CDH12: variants seen among roughly 807,000 people sequenced by gnomAD.
The protein encoded by CDH12 is cadherin 12.
A neutral mutation model predicts 74.1 loss-of-function variants in CDH12; 41 were observed. The ratio of observed to expected loss-of-function variants is 0.55; its 90% CI spans 0.43 to 0.72. The LOEUF is 0.72. Among genes scored for constraint, CDH12 ranks in the 30% least tolerant of loss-of-function variants. CDH12 has a pLI of 0.00. For synonymous variants in CDH12, 399 were observed against 355.0 expected, an observed-to-expected ratio of 1.12 and a Z score of -1.39; for missense variants, 945 against 977.2, an observed-to-expected ratio of 0.97 and a Z score of 0.44.
chr5:22,344,040 C>A (rs191442365), intron 3 of CDH12, among the ~76,000 whole-genome samples: 8 of 152,116 alleles, frequency 5.3e-5, no homozygotes, highest in African/African-American at 7.2e-5. Flanking sequence ...CTAAGAAACA[C>A]CCTGAAGGGC....
At chr5:22,254,211 TAATTCCAAG>T (rs1163726712) in intron 3 of CDH12, among the ~76,000 whole-genome samples, 2 of 151,912 alleles carry the variant, frequency 1.3e-5, no homozygotes, top group African/African-American at 4.8e-5. Context: ...AAAACTACCT[TAATTCCAAG>T]AATTGGATTA....
intron 11 of CDH12, among the ~76,000 whole-genome samples, chr5:21,770,618 CAAAA>C (rs33944200): frequency 1.2e-5 from 1 of 84,028 alleles, no homozygotes; most frequent in Admixed American, 1.4e-4. Context: ...AAGTCCATCT[CAAAA>C]AAAAAAAAAA....
At chr5:22,011,124 G>C (rs1017301021) in intron 5 of CDH12, among the ~76,000 whole-genome samples, 4 of 152,076 alleles carry the variant, frequency 2.6e-5, no homozygotes, top group African/African-American at 9.7e-5. Context: ...ACTCAGTACA[G>C]ATGGAGAGGT....
rs373470963 is a variant in CDH12 at position 21,759,121 on chromosome 5, T to C, written c.1633+1437A>G. On this transcript the variant is annotated intron_variant, in intron 13 of 14. Transcript: ENST00000382254. The stretch of plus-strand genomic sequence containing the variant: ...TAGGATTCAGTGCTGCACCTGAATC[T>C]AAAATTTTAAAAAGTAAAATTAAAT... Among the ~76,000 whole-genome samples the C allele has an allele frequency of 3.3e-3, 501 of 152,260 alleles. 2 individuals are homozygous for C. The highest frequency in any genetic ancestry group is 6.1e-3 in the Non-Finnish European group (418 of 68,014).
At position 22,299,314 on chromosome 5, in the gene CDH12, G is replaced by T. The variant is rs533996986; in HGVS notation, c.-332-86671C>A. Among the ~76,000 whole-genome samples, 187 of 152,166 alleles carry T rather than the reference G, an allele frequency of 1.2e-3. 1 individual carries two copies. Among genetic ancestry groups the T allele is most frequent in the Non-Finnish European group, 1.9e-3 (132 of 68,002 alleles). ...GTTACCTAGGGCCATGTAGTGCCCT[G>T]GAAAGACCTTTCCTTTGTCTCTGAA... is the stretch of plus-strand genomic sequence containing the variant. On this transcript the variant is annotated intron_variant, in intron 3 of 14. Transcript: ENST00000382254.
At chr5:22,425,155 A>G (rs112626818) in intron 2 of CDH12, among the ~76,000 whole-genome samples, 1,343 of 70,610 alleles carry the variant, frequency 0.019, 9 homozygotes, top group Admixed American at 0.029. Flanking sequence ...GTGTGTGTGT[A>G]TATATATATA....
rs146945263 is a variant in CDH12, at chr5:22,409,138, T to C, written c.-427-3787A>G. On this transcript the variant is annotated intron_variant, in intron 2 of 14. Coordinates refer to ENST00000382254, the MANE Select transcript of CDH12 (RefSeq NM_004061.5). Reference sequence around the variant, plus strand: ...AAAATAAGATAGTAAAAGTCTCATATGTAAGTTTTTAAAGAGTTAGAGTAT... The same window carrying C: ...AAAATAAGATAGTAAAAGTCTCATACGTAAGTTTTTAAAGAGTTAGAGTAT... Among the ~76,000 whole-genome samples the C allele has an allele frequency of 3.3e-5, 5 of 152,246 alleles. No individual in the cohort carries two copies. In the South Asian group the frequency reaches 6.2e-4, roughly 19 times the overall value.
chr5:22,009,053 T>C (rs931583967), intron 5 of CDH12, among the ~76,000 whole-genome samples: 3 of 152,232 alleles, frequency 2.0e-5, no homozygotes, highest in Admixed American at 2.0e-4. Context: ...TGTCTCACAC[T>C]TGGGTGTGGC....
intron 9 of CDH12, among the ~76,000 whole-genome samples, chr5:21,811,764 A>C (rs1489914101): frequency 1.7e-5 from 2 of 121,160 alleles, no homozygotes; most frequent in Non-Finnish European, 3.8e-5. Context: ...GTGGAATAAA[A>C]GCAGTTTTTA....
chr5:21,829,636 C>T (rs1408524410), intron 8 of CDH12, among the ~76,000 whole-genome samples: 5 of 152,152 alleles, frequency 3.3e-5, no homozygotes, highest in African/African-American at 1.2e-4. Context: ...AATAACAAGG[C>T]AAATATGAAA....
intron 4 of CDH12, among the ~76,000 whole-genome samples, chr5:22,080,593 T>C (rs1742658116): frequency 6.6e-6 from 1 of 152,184 alleles, no homozygotes; most frequent in African/African-American, 2.4e-5. Flanking sequence ...TAGTCACATG[T>C]GCCTTTTTAG....
intron 1 of CDH12, among the ~76,000 whole-genome samples, chr5:22,722,607 A>C (rs11740186): frequency 0.49 from 73,997 of 152,020 alleles, 18,050 homozygotes; most frequent in East Asian, 0.56. Context: ...GATATAGATG[A>C]ATTTTGCAAT....
rs1554020305 is a variant in CDH12, at chr5:22,202,195, C to CTTCT, written c.-187+10302_-187+10303insAGAA. Among the ~76,000 whole-genome samples the CTTCT allele has an allele frequency of 2.5e-3, 309 of 121,784 alleles. 2 individuals are homozygous for CTTCT. The highest frequency in any genetic ancestry group is 8.5e-3 in the African/African-American group (292 of 34,476). The allele number at this position is 121,784 out of a possible 152,430, so 79.9% of individuals were successfully genotyped here. On this transcript the variant is annotated intron_variant, in intron 4 of 14. Coordinates refer to ENST00000382254, the MANE Select transcript of CDH12 (RefSeq NM_004061.5). ...CCTTCCTTCCTTCCTTCCTTCCTTC[C>CTTCT]TTCCTTCTTTCAACATATAGTTACT...
chr5:22,251,713 A>C (rs1195159828), intron 3 of CDH12, among the ~76,000 whole-genome samples: 1 of 152,152 alleles, frequency 6.6e-6, no homozygotes, highest in Admixed American at 6.6e-5. Context: ...ATCCAGTCCT[A>C]AGTGCTCTGA....
At chr5:22,719,176 C>T (rs78717735) in intron 1 of CDH12, among the ~76,000 whole-genome samples, 4 of 152,078 alleles carry the variant, frequency 2.6e-5, no homozygotes, top group African/African-American at 9.6e-5. Context: ...TGGCTTAAGT[C>T]GTTGTGGACA....
At chr5:22,387,827 A>G (rs72744846) in intron 3 of CDH12, among the ~76,000 whole-genome samples, 9 of 152,142 alleles carry the variant, frequency 5.9e-5, no homozygotes, top group Non-Finnish European at 1.3e-4. Context: ...TTAAATGCCT[A>G]TATCTGCTCC....
intron 1 of CDH12, among the ~76,000 whole-genome samples, chr5:22,808,961 T>C: frequency 6.6e-6 from 1 of 151,780 alleles, no homozygotes; most frequent in Non-Finnish European, 1.5e-5. Flanking sequence ...TACCACCAGG[T>C]TGAGGGGCAT....
chr5:21,840,806 A>G (rs946858440), intron 8 of CDH12, among the ~76,000 whole-genome samples: 2 of 152,172 alleles, frequency 1.3e-5, no homozygotes, highest in Non-Finnish European at 2.9e-5. Context: ...CTAGCCATAT[A>G]TAAAAAGCTG....
At chr5:21,780,098 T>C (rs1170176629) in intron 11 of CDH12, among the ~76,000 whole-genome samples, 1 of 152,148 alleles carries the variant, frequency 6.6e-6, no homozygotes, top group East Asian at 1.9e-4. Context: ...TATATTTTGT[T>C]AATTTGTCTA....
Sources: gnomAD v4.1 joint callset for allele counts (sites outside exome capture counted in the v4.1 genomes callset) on GRCh38, gnomAD v4.1.1 for gene constraint, MANE v1.5 for transcripts, NCBI Gene and HGNC (gene_info 2026-07-23, HGNC 2026-07-21) for gene names.